The following TPD52L3 variants were observed in gnomAD, a reference collection of about 807,000 sequenced individuals.
TPD52L3 encodes the protein tumor protein D55.
A neutral mutation model predicts 8.7 loss-of-function variants in TPD52L3; 12 were observed. That is an observed-to-expected ratio of 1.38 (90% CI 0.89 to 2.24). The LOEUF (loss-of-function observed/expected upper bound fraction) is 2.24, where lower values mean the gene tolerates loss of function less well. Ranked by LOEUF, TPD52L3 falls within the 30% of genes most tolerant of loss-of-function variation. The pLI is 0.00. For synonymous variants in TPD52L3, 79 were observed against 66.8 expected, an observed-to-expected ratio of 1.18 and a Z score of -0.89; for missense variants, 207 against 158.7, an observed-to-expected ratio of 1.30 and a Z score of -1.64.
At position 6,328,735 on chromosome 9, in the gene TPD52L3, G is replaced by C; in HGVS notation, c.140G>C (p.Arg47Pro). The change falls in exon 1 of 2, where the codon CGC (arginine) becomes CCC (proline). Residue 47 changes from arginine (R) to proline (P), a missense_variant. Physicochemically the swap from Arg to Pro is moderately radical, Grantham distance 103 (BLOSUM62 -2). Transcript: ENST00000314556. ...TTGGAGGCTGAAATTGTAACCCTAC[G>C]CCACGTACTAGCAGCCAAAGAGAGA... ...TKLEAEIVTL[R>P]HVLAAKERRC... is the part of the protein sequence containing the mutation. The C allele has an allele frequency of 6.2e-7, 1 of 1,614,116 alleles. No individual in the cohort carries two copies. The highest frequency in any genetic ancestry group is 1.6e-4 in the Middle Eastern group (1 of 6,062).
intron 1 of TPD52L3, chr9:6,329,263 C>A (rs1161930580): frequency 7.5e-7 from 1 of 1,328,076 alleles, no homozygotes; most frequent in Non-Finnish European, 9.7e-7. Context: ...GCAAGCAAAC[C>A]ACAATGGTAA....
chr9:6,329,458 G>A, intron 1 of TPD52L3: 1 of 1,029,308 alleles, frequency 9.7e-7, no homozygotes, highest in Non-Finnish European at 1.2e-6. Context: ...TGGCTCCAGA[G>A]GGGTCTTAGG....
chr9:6,328,723 T>C lies in TPD52L3; in HGVS notation c.128T>C (p.Ile43Thr). The C allele has an allele frequency of 1.2e-6, 2 of 1,614,054 alleles. No homozygotes were observed. The highest frequency in any genetic ancestry group is 1.1e-5 in the South Asian group (1 of 91,078). Residue 43 changes from isoleucine to threonine, a missense_variant, in exon 1 of 2, where the codon ATT becomes ACT. By Grantham distance (89) the Ile-to-Thr change is moderately conservative (BLOSUM62 -1). Transcript: ENST00000314556. ...KTKLTKLEAEIVTLRHVLAAK... is the reference protein window; with the variant it reads ...KTKLTKLEAETVTLRHVLAAK... ...AAACTCACTAAATTGGAGGCTGAAATTGTAACCCTACGCCACGTACTAGCA... is the reference window on the plus strand; with the variant it reads ...AAACTCACTAAATTGGAGGCTGAAACTGTAACCCTACGCCACGTACTAGCA...
Position 6,328,493 on chromosome 9 carries a change from C to A in TPD52L3, c.-103C>A, listed in dbSNP as rs549412300. ...AGTCTGAGCCTGCAGGCCTAGATTT[C>A]GACTCTGCTGGCCAAGATTATTTCT... On this transcript the variant is annotated 5_prime_UTR_variant, in exon 1 of 2. Transcript: ENST00000314556. The A allele has an allele frequency of 1.4e-6, 2 of 1,421,418 alleles. No individual in the cohort carries two copies. Among genetic ancestry groups the A allele is most frequent in the East Asian group, 2.3e-5 (1 of 43,870 alleles). 88.1% of individuals were successfully genotyped at this position (1,421,418 alleles called of 1,614,324 possible). A position where few individuals can be genotyped will look rare whatever the true frequency, so the allele number is the denominator to read the frequency against.
At position 6,330,007 on chromosome 9, in the gene TPD52L3, C is replaced by G. The variant is rs372161413; in HGVS notation, c.368-969C>G. On this transcript the variant is annotated intron_variant, in intron 1 of 1. Coordinates refer to ENST00000314556, the MANE Select transcript of TPD52L3 (RefSeq NM_001001874.3). ...GCAGCAATTCCTAGTTAGTTACCAC[C>G]TCCAGCTGAGGGGCTGGAGGAAAAC... The G allele has an allele frequency of 8.9e-5, 121 of 1,355,454 alleles. No homozygotes were observed. In the African/African-American group the frequency reaches 1.4e-3, roughly 16 times the overall value. 84.0% of individuals were successfully genotyped at this position (1,355,454 alleles called of 1,614,324 possible).
In TPD52L3 at chr9:6,328,612, C is replaced by T; in HGVS notation, c.17C>T (p.Thr6Ile). 1 of 1,613,746 alleles carries T rather than the reference C, an allele frequency of 6.2e-7. No individual in the cohort carries two copies. Among genetic ancestry groups the T allele is most frequent in the Non-Finnish European group, 8.5e-7 (1 of 1,180,014 alleles). Residue 6 changes from threonine to isoleucine, a missense_variant, in exon 1 of 2, where the codon ACA becomes ATA. By Grantham distance (89) the Thr-to-Ile change is moderately conservative. Coordinates refer to ENST00000314556, the MANE Select transcript of TPD52L3 (RefSeq NM_001001874.3). MPHAR[T>I]ETSVGTYESH... The stretch of plus-strand genomic sequence containing the variant: ...TCCCAGTCCATGCCACATGCCAGGA[C>T]AGAGACCTCTGTGGGCACATATGAA...
intron 1 of TPD52L3, chr9:6,329,436 T>A: frequency 1.9e-6 from 2 of 1,040,612 alleles, no homozygotes; most frequent in Non-Finnish European, 2.3e-6. Context: ...CTGTATCTAA[T>A]GGGCAAGTCA....
At chr9:6,329,941 C>T in intron 1 of TPD52L3, 1 of 1,297,984 alleles carries the variant, frequency 7.7e-7, no homozygotes, top group South Asian at 3.0e-5. Context: ...ATGTCTTTGC[C>T]ATAGCAGCAC....
At chr9:6,330,602 C>T in intron 1 of TPD52L3, 1 of 1,168,438 alleles carries the variant, frequency 8.6e-7, no homozygotes, top group Non-Finnish European at 1.1e-6. Flanking sequence ...CTCATGTATC[C>T]CAACCCTCCA....
intron 1 of TPD52L3, 83 bp from the exon 2 acceptor site, chr9:6,330,893 T>A: frequency 6.3e-7 from 1 of 1,577,490 alleles, no homozygotes; most frequent in Non-Finnish European, 8.6e-7. Context: ...GTAGTAAGTT[T>A]CCCCAATAAA....
Position 6,328,412 on chromosome 9 carries a change from T to A in TPD52L3, c.-184T>A. 2 of 551,994 alleles carry A rather than the reference T, an allele frequency of 3.6e-6. No individual in the cohort carries two copies. Among genetic ancestry groups the A allele is most frequent in the South Asian group, 1.9e-5 (1 of 51,348 alleles). The allele number at this position is 551,994 out of a possible 1,614,324, so 34.2% of individuals were successfully genotyped here. A position where few individuals can be genotyped will look rare whatever the true frequency, so the allele number is the denominator to read the frequency against. On this transcript the variant is annotated 5_prime_UTR_variant, in exon 1 of 2. It adds an upstream start codon to the 5' untranslated region. Transcript: ENST00000314556. ...GTCAACTCAACTGTCAAGGTGTCCA[T>A]TGTACCAGCTGGGCCATGGATCCCT...
At chr9:6,329,357 G>A (rs1818097515) in intron 1 of TPD52L3, 4 of 1,088,880 alleles carry the variant, frequency 3.7e-6, no homozygotes, top group Non-Finnish European at 2.3e-6. Context: ...AGAACCCAAA[G>A]TTTTGTACCT....
In TPD52L3 at chr9:6,329,186, C is replaced by T. The variant is rs554877016; in HGVS notation, c.367+224C>T. 3.7e-5 allele frequency: 53 copies of T among 1,451,608 alleles called. No individual in the cohort carries two copies. In the East Asian group the frequency reaches 1.2e-3, roughly 33 times the overall value. The allele number at this position is 1,451,608 out of a possible 1,614,324, so 89.9% of individuals were successfully genotyped here. A position where few individuals can be genotyped will look rare whatever the true frequency, so the allele number is the denominator to read the frequency against. ...GAATGAGCCCCCTTGGTAACCTTGC[C>T]TGGTACTAAACCAGTGCAAGGACCC... On this transcript the variant is annotated intron_variant, in intron 1 of 1. Coordinates refer to ENST00000314556, the MANE Select transcript of TPD52L3 (RefSeq NM_001001874.3).
chr9:6,330,575 G>A (rs1818133327), intron 1 of TPD52L3: 1 of 1,165,088 alleles, frequency 8.6e-7, no homozygotes, highest in Non-Finnish European at 1.1e-6. Flanking sequence ...AAAAGCATCT[G>A]GTAAACTGTA....
chr9:6,330,457 G>T, intron 1 of TPD52L3: 1 of 1,319,570 alleles, frequency 7.6e-7, no homozygotes, highest in Non-Finnish European at 9.7e-7. Flanking sequence ...TGCCTAAAAT[G>T]GTAATCCCTC....
rs1818145378 is a variant in TPD52L3 at position 6,331,253 on chromosome 9, T to C, written c.*234T>C. The C allele has an allele frequency of 2.5e-5, 10 of 405,584 alleles. No individual in the cohort carries two copies. The South Asian group carries it at 5.5e-4, about 22-fold the overall frequency. The allele number at this position is 405,584 out of a possible 1,614,324, so 25.1% of individuals were successfully genotyped here. A position where few individuals can be genotyped will look rare whatever the true frequency, so the allele number is the denominator to read the frequency against. On this transcript the variant is annotated 3_prime_UTR_variant, in exon 2 of 2. Transcript: ENST00000314556. The stretch of plus-strand genomic sequence containing the variant: ...CATTATAATTCAATGAGTCCTAAAA[T>C]AGAGCTGTGTGCCAGAGATAAAAGA...
chr9:6,328,860 T>C lies in TPD52L3; in HGVS notation c.265T>C (p.Tyr89His), dbSNP rs1370952663. The change falls in exon 1 of 2, where the codon TAT becomes CAT. Residue 89 changes from tyrosine (Y) to histidine (H), a missense_variant. Transcript: ENST00000314556. ...SWLDVQVSNT[Y>H]VKQKTSAALS... is the part of the protein sequence containing the mutation. The stretch of plus-strand genomic sequence containing the variant: ...GCTTGATGTTCAGGTCTCCAACACC[T>C]ATGTGAAACAGAAGACATCAGCTGC... The C allele has an allele frequency of 6.2e-7, 1 of 1,614,134 alleles. No individual in the cohort carries two copies. Among genetic ancestry groups the C allele is most frequent in the South Asian group, 1.1e-5 (1 of 91,090 alleles).
chr9:6,328,436 C>A lies in TPD52L3; in HGVS notation c.-160C>A. The A allele has an allele frequency of 2.3e-6, 2 of 851,624 alleles. No individual in the cohort carries two copies. Among genetic ancestry groups the A allele is most frequent in the Non-Finnish European group, 1.8e-6 (1 of 550,448 alleles). 52.8% of individuals were successfully genotyped at this position (851,624 alleles called of 1,614,324 possible). On this transcript the variant is annotated 5_prime_UTR_variant, in exon 1 of 2. Transcript: ENST00000314556. ...ATTGTACCAGCTGGGCCATGGATCC[C>A]TCCCGCCTGAAATCTGACTCCACCT...
chr9:6,330,362 C>G, intron 1 of TPD52L3: 2 of 1,460,270 alleles, frequency 1.4e-6, no homozygotes, highest in Non-Finnish European at 9.0e-7. Context: ...CTCCTCTAGA[C>G]ACACTGCCTG....
Sources: allele counts gnomAD v4.1 joint callset, GRCh38; gene constraint gnomAD v4.1.1; transcripts MANE v1.5; gene names NCBI Gene and HGNC (gene_info 2026-07-23, HGNC 2026-07-21).